KLHL25: variants seen among roughly 807,000 people sequenced by gnomAD.
The protein encoded by KLHL25 is kelch like family member 25.
Under a neutral mutation model 30.0 loss-of-function variants are expected in KLHL25, and 41 were observed. The observed-to-expected ratio is 1.37, with a 90% CI of 1.07 to 1.78. KLHL25 has a LOEUF of 1.78. Among genes scored for constraint, KLHL25 ranks in the 40% most tolerant of loss-of-function variants. The pLI, the probability that KLHL25 is intolerant of heterozygous loss-of-function variation, is 0.00. For synonymous variants in KLHL25, 399 were observed against 355.3 expected (o/e 1.12, Z -1.38); for missense variants, 971 against 824.5 (o/e 1.18, Z -2.18).
chr15:85,778,565 T>C (rs1439858463), intron 1 of KLHL25, among the ~76,000 whole-genome samples: 2 of 152,198 alleles, frequency 1.3e-5, no homozygotes, highest in Admixed American at 1.3e-4. Flanking sequence ...TTAGGCAATT[T>C]GCCCAAAGCT....
intron 1 of KLHL25, 98 bp downstream of exon 1, chr15:85,794,668 T>TCCCGG (rs1438623520): frequency 5.9e-5 from 9 of 151,946 alleles, no homozygotes; most frequent in Admixed American, 2.6e-4. Flanking sequence ...GAGCGCTTGG[T>TCCCGG]CCCGGCCCGG....
chr15:85,791,490 T>C (rs1299403903), intron 1 of KLHL25, among the ~76,000 whole-genome samples: 2 of 152,104 alleles, frequency 1.3e-5, no homozygotes, highest in Non-Finnish European at 2.9e-5. Context: ...GCGAGACTCC[T>C]TCTCAAAAGA....
Position 85,768,721 on chromosome 15 carries a change from C to A in KLHL25, c.1090G>T (p.Val364Leu). The change falls in exon 2 of 3, where the codon GTA becomes TTA. Residue 364 changes from valine to leucine, a missense_variant. Coordinates refer to ENST00000337975, the MANE Select transcript of KLHL25 (RefSeq NM_022480.4). ...VSKDVWVYDT[V>L]HEEWSKAAPM... ...GCCGCCTTGGACCATTCCTCATGTA[C>A]GGTGTCGTACACCCAGACATCCTTG... 7.4e-6 allele frequency: 12 copies of A among 1,613,446 alleles called. No homozygotes were observed. Among genetic ancestry groups the A allele is most frequent in the Non-Finnish European group, 1.0e-5 (12 of 1,179,938 alleles).
At chr15:85,766,989 C>A (rs540190866) in intron 2 of KLHL25, among the ~76,000 whole-genome samples, 2 of 140,098 alleles carry the variant, frequency 1.4e-5, no homozygotes, top group Non-Finnish European at 3.0e-5. Context: ...GCCTGGTTGG[C>A]GATCATTTTT....
intron 1 of KLHL25, among the ~76,000 whole-genome samples, chr15:85,785,247 C>G (rs148860209): frequency 6.6e-6 from 1 of 151,922 alleles, no homozygotes; most frequent in Non-Finnish European, 1.5e-5. Context: ...GCGCCCACCA[C>G]GACGTCCGGC....
chr15:85,771,934 A>G (rs1288182478), intron 1 of KLHL25, among the ~76,000 whole-genome samples: 2 of 152,172 alleles, frequency 1.3e-5, no homozygotes, highest in Non-Finnish European at 2.9e-5. Flanking sequence ...GACTGCGCTG[A>G]CCGGGTCTGA....
chr15:85,771,171 T>C (rs546408150), intron 1 of KLHL25: 4 of 156,440 alleles, frequency 2.6e-5, no homozygotes, highest in Non-Finnish European at 5.6e-5. Flanking sequence ...ACAGGGTTTT[T>C]ATACAAGAAA....
chr15:85,790,269 G>A (rs975145293), intron 1 of KLHL25, among the ~76,000 whole-genome samples: 1 of 152,138 alleles, frequency 6.6e-6, no homozygotes, highest in African/African-American at 2.4e-5. Flanking sequence ...CGTATTTTTA[G>A]TAAACAAGCG....
At chr15:85,765,849 GA>G (rs1293085378) in intron 2 of KLHL25, among the ~76,000 whole-genome samples, 10 of 149,466 alleles carry the variant, frequency 6.7e-5, no homozygotes, top group Middle Eastern at 3.5e-3. Flanking sequence ...AAAAGAAAAA[GA>G]AAAAAGAAAA....
intron 1 of KLHL25, chr15:85,770,578 G>T (rs760420472): frequency 3.2e-5 from 17 of 532,342 alleles, no homozygotes; most frequent in South Asian, 2.1e-4. Flanking sequence ...CCTAGCTGGG[G>T]CAAGTGATGG....
At chr15:85,778,690 C>A (rs2089725974) in intron 1 of KLHL25, among the ~76,000 whole-genome samples, 1 of 152,198 alleles carries the variant, frequency 6.6e-6, no homozygotes, top group East Asian at 1.9e-4. Context: ...CAAATCCAGG[C>A]CATCCCTCTC....
At position 85,769,294 on chromosome 15, in the gene KLHL25, G is replaced by GGCA; in HGVS notation, c.514_516dup (p.Cys172dup). On this transcript the variant is annotated inframe_insertion, in exon 2 of 3. Transcript: ENST00000337975. ...TGCCTCACCGTCTCAAAGTGCACCA[G>GGCA]GCACATGCGCCAGGAGAACTCATAC... 5 of 1,613,990 alleles carry GGCA rather than the reference G, an allele frequency of 3.1e-6. No individual in the cohort carries two copies. Among genetic ancestry groups the GGCA allele is most frequent in the Non-Finnish European group, 4.2e-6 (5 of 1,179,982 alleles).
At chr15:85,772,438 G>A (rs903395573) in intron 1 of KLHL25, among the ~76,000 whole-genome samples, 1 of 152,266 alleles carries the variant, frequency 6.6e-6, no homozygotes, top group African/African-American at 2.4e-5. Flanking sequence ...TGGGCTGAAC[G>A]GCAGCTTGAA....
chr15:85,784,303 C>A (rs144165647), intron 1 of KLHL25, among the ~76,000 whole-genome samples: 2 of 152,046 alleles, frequency 1.3e-5, no homozygotes, highest in Non-Finnish European at 2.9e-5. Context: ...CCAAGGCAGG[C>A]GGATCACCGG....
At chr15:85,791,419 C>CT (rs2089815850) in intron 1 of KLHL25, among the ~76,000 whole-genome samples, 1 of 151,980 alleles carries the variant, frequency 6.6e-6, no homozygotes, top group Non-Finnish European at 1.5e-5. Flanking sequence ...CACTTGAATC[C>CT]AGGAGGCAGA....
intron 1 of KLHL25, among the ~76,000 whole-genome samples, chr15:85,774,155 C>T (rs1597276253): frequency 6.6e-6 from 1 of 152,166 alleles, no homozygotes. Context: ...GGGAAGCCTC[C>T]CTGTGCCCAT....
chr15:85,761,999 G>A (rs1460296452), intron 2 of KLHL25: 3 of 152,270 alleles, frequency 2.0e-5, no homozygotes, highest in Non-Finnish European at 4.4e-5. Context: ...TCCCCTTTAA[G>A]TGGGGTACAC....
rs1459896064 is a variant in KLHL25, at chr15:85,768,523, AG to A, written c.1287del (p.Leu430CysfsTer11). The A allele has an allele frequency of 6.2e-7, 1 of 1,613,616 alleles. No homozygotes were observed. The highest frequency in any genetic ancestry group is 8.5e-7 in the Non-Finnish European group (1 of 1,179,936). ...GCGGCATTGCTGACGCCATCCCGCAAGGGGGCCACCATCATCCACTTGTTGG... is the reference window on the plus strand; with the variant it reads ...GCGGCATTGCTGACGCCATCCCGCAAGGGGCCACCATCATCCACTTGTTGG... Reference protein sequence around the residue: ...PGANKWMMVAPLRDGVSNAAV... With the variant: ...PGANKWMMVAXLRDGVSNAAV... On this transcript the variant is annotated frameshift_variant, in exon 2 of 3. Transcript: ENST00000337975. LOFTEE classifies it high-confidence loss of function.
Position 85,759,995 on chromosome 15 carries a change from C to T in KLHL25, c.*1041G>A, listed in dbSNP as rs2089570131. On this transcript the variant is annotated 3_prime_UTR_variant, in exon 3 of 3. Coordinates refer to ENST00000337975, the MANE Select transcript of KLHL25 (RefSeq NM_022480.4). ...AGCAATGAACAAATGTTCAGCAGTTCTCTCGGGGCCATTCTTATCTTGGAG... is the reference window on the plus strand; with the variant it reads ...AGCAATGAACAAATGTTCAGCAGTTTTCTCGGGGCCATTCTTATCTTGGAG... The T allele has an allele frequency of 6.6e-6, 1 of 152,278 alleles. No homozygotes were observed. Among genetic ancestry groups the T allele is most frequent in the Admixed American group, 6.5e-5 (1 of 15,290 alleles). The allele number at this position is 152,278 out of a possible 1,614,324, so 9.4% of individuals were successfully genotyped here. A position where few individuals can be genotyped will look rare whatever the true frequency, so the allele number is the denominator to read the frequency against.
Sources: allele counts gnomAD v4.1 joint callset (sites outside exome capture counted in the v4.1 genomes callset), GRCh38; gene constraint gnomAD v4.1.1; transcripts MANE v1.5; gene names NCBI Gene and HGNC (gene_info 2026-07-23, HGNC 2026-07-21).